RNF17: variants seen among roughly 807,000 people sequenced by gnomAD.
RNF17 encodes the protein ring finger protein 17.
A neutral mutation model predicts 200.5 loss-of-function variants in RNF17; 31 were observed. The ratio of observed to expected loss-of-function variants is 0.15; its 90% CI spans 0.12 to 0.21. RNF17 has a LOEUF of 0.21. RNF17 is among the 10% of genes least tolerant of loss of function. RNF17 has a pLI of 1.00. For missense variants in RNF17, 1,628 were observed against 1,905.1 expected (o/e 0.85, Z 2.71); for synonymous variants, 606 against 637.8 (o/e 0.95, Z 0.75).
At chr13:24,811,786 G>T (rs1373603754) in intron 15 of RNF17, among the ~76,000 whole-genome samples, 1 of 151,908 alleles carries the variant, frequency 6.6e-6, no homozygotes, top group Non-Finnish European at 1.5e-5. Context: ...TCTACTTTTG[G>T]TCTTTGATGA....
In RNF17 at chr13:24,837,135, G is replaced by A. The variant is rs75097101; in HGVS notation, c.2483-4906G>A. Among the ~76,000 whole-genome samples, 1,458 of 152,148 alleles carry A rather than the reference G, an allele frequency of 9.6e-3. 34 individuals carry two copies. The highest frequency in any genetic ancestry group is 0.032 in the African/African-American group (1,344 of 41,512). The stretch of plus-strand genomic sequence containing the variant: ...GCAGTTAAAAGAGAGAGAGAGGAAC[G>A]TTATATAACGGTAGACGGCCTTGTC... On this transcript the variant is annotated intron_variant, in intron 18 of 35. Transcript: ENST00000255324.
intron 10 of RNF17, chr13:24,794,156 A>C (rs1421081870): frequency 2.2e-6 from 1 of 454,866 alleles, no homozygotes; most frequent in Non-Finnish European, 4.4e-6. Flanking sequence ...TTGATGAAGC[A>C]TGCGGCACAG....
At chr13:24,791,602 A>G (rs1883868166) in intron 9 of RNF17, among the ~76,000 whole-genome samples, 1 of 152,106 alleles carries the variant, frequency 6.6e-6, no homozygotes, top group Non-Finnish European at 1.5e-5. Context: ...AAACCACCAA[A>G]AGAGAAATAA....
chr13:24,756,786 C>A, the RNF17 span, among the ~76,000 whole-genome samples: 1 of 152,050 alleles, frequency 6.6e-6, no homozygotes, highest in Non-Finnish European at 1.5e-5. Context: ...TAAAATCGAC[C>A]GAAGCCTTCC....
chr13:24,756,245 G>A, the RNF17 span, among the ~76,000 whole-genome samples: 1 of 151,974 alleles, frequency 6.6e-6, no homozygotes, highest in Non-Finnish European at 1.5e-5. Flanking sequence ...GCTAACTGAT[G>A]ACATTTTCAG....
At chr13:24,775,242 A>T (rs886839259) in intron 3 of RNF17, among the ~76,000 whole-genome samples, 11 of 152,170 alleles carry the variant, frequency 7.2e-5, no homozygotes, top group African/African-American at 2.7e-4. Flanking sequence ...CTTTTTAAAA[A>T]TTTTTAAAAT....
intron 16 of RNF17, among the ~76,000 whole-genome samples, chr13:24,829,483 G>T (rs1236287493): frequency 6.6e-6 from 1 of 152,192 alleles, no homozygotes; most frequent in Admixed American, 6.5e-5. Context: ...CTAGCAAGGG[G>T]ATTCCAGTGG....
intron 25 of RNF17, among the ~76,000 whole-genome samples, chr13:24,857,039 A>C (rs1224912915): frequency 6.6e-6 from 1 of 152,204 alleles, no homozygotes; most frequent in Non-Finnish European, 1.5e-5. Context: ...ATGGACAGGG[A>C]GAAAATACTG....
At chr13:24,753,882 C>T in the RNF17 span, among the ~76,000 whole-genome samples, 1 of 152,076 alleles carries the variant, frequency 6.6e-6, no homozygotes, top group Non-Finnish European at 1.5e-5. Flanking sequence ...ACTGGCCGGG[C>T]GTGGTGGCTC....
chr13:24,837,740 CTG>C (rs1257850074), intron 18 of RNF17, among the ~76,000 whole-genome samples: 1 of 152,086 alleles, frequency 6.6e-6, no homozygotes, highest in African/African-American at 2.4e-5. Flanking sequence ...ATCAAAAAGA[CTG>C]AAACAGCATA....
At chr13:24,878,016 C>G (rs1895037525) in intron 34 of RNF17, among the ~76,000 whole-genome samples, 1 of 152,190 alleles carries the variant, frequency 6.6e-6, no homozygotes, top group South Asian at 2.1e-4. Flanking sequence ...CTCCCCATCC[C>G]TCTGAAATGG....
chr13:24,825,544 A>G (rs1197626221), intron 15 of RNF17, 75 bp from the exon 16 acceptor site: 1 of 878,842 alleles, frequency 1.1e-6, no homozygotes, highest in Non-Finnish European at 1.7e-6. Context: ...TTTCAATGAC[A>G]GTGCTTGTAA....
At chr13:24,884,148 A>C, downstream of RNF17, 2 of 1,613,912 alleles carry the variant, frequency 1.2e-6, no homozygotes, top group African/African-American at 1.3e-5. Flanking sequence ...GAGAGGGTGG[A>C]GCAAGTTTGT....
At chr13:24,885,727 G>A in the RNF17 span, 4 of 1,191,054 alleles carry the variant, frequency 3.4e-6, no homozygotes, top group Non-Finnish European at 5.0e-6. Flanking sequence ...AATTTTATTA[G>A]TATGATCACA....
intron 3 of RNF17, among the ~76,000 whole-genome samples, chr13:24,775,258 G>GT (rs1408915066): frequency 6.6e-6 from 1 of 152,012 alleles, no homozygotes; most frequent in Admixed American, 6.6e-5. Context: ...AAAATTCTAA[G>GT]TTTTTTTAAA....
chr13:24,764,895 GTGTGTGTGT>G, intron 1 of RNF17, among the ~76,000 whole-genome samples: 1 of 36,942 alleles, frequency 2.7e-5, no homozygotes, highest in African/African-American at 8.5e-5. Flanking sequence ...TGGGGTGTGT[GTGTGTGTGT>G]GTGTGTGTGT....
At chr13:24,820,818 C>T (rs1887973556) in intron 15 of RNF17, among the ~76,000 whole-genome samples, 1 of 152,058 alleles carries the variant, frequency 6.6e-6, no homozygotes, top group Non-Finnish European at 1.5e-5. Flanking sequence ...ATCTCTTTTG[C>T]TGCTTCCCAG....
At chr13:24,759,097 A>C in the RNF17 span, among the ~76,000 whole-genome samples, 4 of 151,400 alleles carry the variant, frequency 2.6e-5, no homozygotes, top group African/African-American at 4.9e-5. Flanking sequence ...AAAAAAAAAA[A>C]AAAAAACAAC....
chr13:24,757,563 A>G, the RNF17 span, among the ~76,000 whole-genome samples: 1 of 152,138 alleles, frequency 6.6e-6, no homozygotes, highest in East Asian at 1.9e-4. Flanking sequence ...ACCTCAGGCA[A>G]TCTGCCGGCC....
Sources: gnomAD v4.1 joint callset for allele counts (sites outside exome capture counted in the v4.1 genomes callset) on GRCh38, gnomAD v4.1.1 for gene constraint, MANE v1.5 for transcripts, NCBI Gene and HGNC (gene_info 2026-07-23, HGNC 2026-07-21) for gene names.